Variants in C10orf90 observed in about 807,000 individuals in gnomAD.
The protein encoded by C10orf90 is (E2-independent) E3 ubiquitin-conjugating enzyme FATS.
In C10orf90, 56 loss-of-function variants were observed where a neutral mutation model predicts 62.5. The observed-to-expected ratio is 0.90, with a 90% CI of 0.72 to 1.12. The LOEUF is 1.12. Among genes scored for constraint, C10orf90 ranks in the 50% most tolerant of loss-of-function variants. The pLI, the probability that C10orf90 is intolerant of heterozygous loss-of-function variation, is 0.00. For synonymous variants in C10orf90, 386 were observed against 340.4 expected (o/e 1.13, Z -1.47); for missense variants, 970 against 880.4 (o/e 1.10, Z -1.29).
At chr10:126,554,105 C>T (rs1273624378) in intron 2 of C10orf90, among the ~76,000 whole-genome samples, 1 of 151,912 alleles carries the variant, frequency 6.6e-6, no homozygotes, top group Non-Finnish European at 1.5e-5. Context: ...TTGTTCATAA[C>T]AGCCACACAT....
At chr10:126,584,894 C>G (rs1844828977) in intron 2 of C10orf90, among the ~76,000 whole-genome samples, 1 of 152,108 alleles carries the variant, frequency 6.6e-6, no homozygotes. Flanking sequence ...GACAAGCCCT[C>G]TCTTCCCTCT....
intron 2 of C10orf90, among the ~76,000 whole-genome samples, chr10:126,552,585 G>A (rs1864660901): frequency 6.6e-6 from 1 of 152,196 alleles, no homozygotes; most frequent in Non-Finnish European, 1.5e-5. Context: ...TCTTATAAAG[G>A]ATACTCACCC....
intron 8 of C10orf90, among the ~76,000 whole-genome samples, chr10:126,427,899 C>T (rs1857353656): frequency 6.6e-6 from 1 of 152,100 alleles, no homozygotes; most frequent in Non-Finnish European, 1.5e-5. Context: ...ATACATATAT[C>T]CTATTAGTTC....
At chr10:126,469,630 C>A (rs1314510351) in intron 4 of C10orf90, among the ~76,000 whole-genome samples, 1 of 152,212 alleles carries the variant, frequency 6.6e-6, no homozygotes, top group Non-Finnish European at 1.5e-5. Context: ...TCAGCATCTC[C>A]TAAAAGCCCT....
intron 4 of C10orf90, chr10:126,469,682 C>T (rs1860462534): frequency 2.8e-6 from 1 of 354,212 alleles, no homozygotes; most frequent in South Asian, 2.1e-5. Context: ...AGACTGCCTT[C>T]TGCCCTCAAC....
At chr10:126,516,313 G>A (rs2053220) in intron 2 of C10orf90, among the ~76,000 whole-genome samples, 135,581 of 152,244 alleles carry the variant, frequency 0.89, 60,597 homozygotes, top group African/African-American at 0.97. Context: ...GACACCAGTT[G>A]TGATTGGCAA....
chr10:126,660,762 G>A lies in C10orf90; in HGVS notation c.240+9479C>T, dbSNP rs147851053. ...TAAAAAACAAATACAGATTGTGTCT[G>A]CCAGATTTTTTCCTTTTTCTAATAG... is the stretch of plus-strand genomic sequence containing the variant. On this transcript the variant is annotated intron_variant, in intron 1 of 9. Transcript: ENST00000488181. Among the ~76,000 whole-genome samples, 416 of 152,334 alleles carry A rather than the reference G, an allele frequency of 2.7e-3. 2 individuals carry two copies. The highest frequency in any genetic ancestry group is 0.01 in the Middle Eastern group (3 of 294).
At chr10:126,555,718 A>AAATAAATG (rs1229091581) in intron 2 of C10orf90, among the ~76,000 whole-genome samples, 4 of 150,528 alleles carry the variant, frequency 2.7e-5, no homozygotes, top group African/African-American at 9.7e-5. Flanking sequence ...ATAAATAAAT[A>AAATAAATG]AAAATTAAAT....
chr10:126,554,131 G>A (rs1026942212), intron 2 of C10orf90, among the ~76,000 whole-genome samples: 5 of 151,992 alleles, frequency 3.3e-5, no homozygotes, highest in African/African-American at 1.2e-4. Context: ...TAACCCAAAT[G>A]TCCACCAACG....
At position 126,603,940 on chromosome 10, in the gene C10orf90, C is replaced by G. The variant is rs532680323; in HGVS notation, c.313+42625G>C. Among the ~76,000 whole-genome samples, 18 of 152,274 alleles carry G rather than the reference C, an allele frequency of 1.2e-4. No individual in the cohort carries two copies. In the South Asian group the frequency reaches 3.7e-3, roughly 32 times the overall value. On this transcript the variant is annotated intron_variant, in intron 2 of 9. Coordinates refer to ENST00000488181, the MANE Select transcript of C10orf90 (RefSeq NM_001350921.2). ...CTTCACCGCAAATCCAGAGGCCCTC[C>G]CCTTCGACTCAAAGGTTGCAAAGAG...
chr10:126,668,867 G>A (rs1185949554), intron 1 of C10orf90, among the ~76,000 whole-genome samples: 8 of 152,136 alleles, frequency 5.3e-5, no homozygotes, highest in Non-Finnish European at 1.2e-4. Flanking sequence ...GAAGTTTTTT[G>A]TAACCTCCTA....
chr10:126,568,766 G>T (rs1162109748), intron 2 of C10orf90, among the ~76,000 whole-genome samples: 1 of 152,150 alleles, frequency 6.6e-6, no homozygotes, highest in African/African-American at 2.4e-5. Flanking sequence ...GGAAGCCAAG[G>T]GGCTCACAGC....
At chr10:126,430,291 C>T (rs1340203202) in intron 7 of C10orf90, among the ~76,000 whole-genome samples, 1 of 152,170 alleles carries the variant, frequency 6.6e-6, no homozygotes, top group Non-Finnish European at 1.5e-5. Flanking sequence ...GTCTATAGCC[C>T]TCTATAGGGC....
intron 4 of C10orf90, among the ~76,000 whole-genome samples, chr10:126,466,550 G>A (rs1257967724): frequency 6.6e-6 from 1 of 152,188 alleles, no homozygotes; most frequent in Non-Finnish European, 1.5e-5. Flanking sequence ...GAAGCAGGCT[G>A]TGTGGGGTGG....
chr10:126,642,712 A>G (rs1311757862), intron 2 of C10orf90, among the ~76,000 whole-genome samples: 1 of 152,094 alleles, frequency 6.6e-6, no homozygotes, highest in Non-Finnish European at 1.5e-5. Context: ...CGTGTACACC[A>G]TGATGATATC....
chr10:126,668,258 G>A (rs1251673043), intron 1 of C10orf90, among the ~76,000 whole-genome samples: 2 of 152,150 alleles, frequency 1.3e-5, no homozygotes, highest in Non-Finnish European at 2.9e-5. Context: ...CTTTAATCTA[G>A]CACCTTTGTG....
At chr10:126,550,979 G>A (rs981270047) in intron 2 of C10orf90, among the ~76,000 whole-genome samples, 16 of 152,246 alleles carry the variant, frequency 1.1e-4, no homozygotes, top group African/African-American at 3.4e-4. Flanking sequence ...ACAGAAGGGA[G>A]AGGGAAGAGA....
intron 4 of C10orf90, among the ~76,000 whole-genome samples, chr10:126,496,026 G>A (rs549399950): frequency 3.3e-5 from 5 of 152,272 alleles, no homozygotes; most frequent in African/African-American, 4.8e-5. Context: ...TCCCAAGCCC[G>A]TGGTGCTTCT....
intron 1 of C10orf90, among the ~76,000 whole-genome samples, chr10:126,657,818 G>T (rs1846427672): frequency 6.6e-6 from 1 of 151,978 alleles, no homozygotes. Context: ...GTTTCTCCAT[G>T]TTGATCAGGC....
Sources: allele counts gnomAD v4.1 joint callset (sites outside exome capture counted in the v4.1 genomes callset), GRCh38; gene constraint gnomAD v4.1.1; transcripts MANE v1.5; gene names NCBI Gene and HGNC (gene_info 2026-07-23, HGNC 2026-07-21).